The following NME7 variants were observed in gnomAD, a reference collection of about 807,000 sequenced individuals.
The protein encoded by NME7 is NME/NM23 family member 7.
In NME7, 41 loss-of-function variants were observed where a neutral mutation model predicts 49.1. That is an observed-to-expected ratio of 0.83 (90% CI 0.65 to 1.08). NME7 has a LOEUF of 1.08. Among genes scored for constraint, NME7 ranks in the 50% least tolerant of loss-of-function variants. The pLI, the probability that NME7 is intolerant of heterozygous loss-of-function variation, is 0.00. For missense variants in NME7, 423 were observed against 463.4 expected (o/e 0.91, Z 0.80); for synonymous variants, 139 against 150.6 (o/e 0.92, Z 0.56).
intron 10 of NME7, among the ~76,000 whole-genome samples, chr1:169,226,328 C>G (rs1647338668): frequency 6.6e-6 from 1 of 152,078 alleles, no homozygotes; most frequent in Non-Finnish European, 1.5e-5. Flanking sequence ...TTGGTTTGAT[C>G]ATTAATATAA....
At chr1:169,212,619 T>A (rs1660859130) in intron 10 of NME7, among the ~76,000 whole-genome samples, 3 of 150,318 alleles carry the variant, frequency 2.0e-5, no homozygotes, top group African/African-American at 7.3e-5. Context: ...TTTTTTTTTT[T>A]AAGTCAAGGT....
intron 2 of NME7, among the ~76,000 whole-genome samples, chr1:169,324,118 G>C (rs1651961780): frequency 1.3e-5 from 2 of 151,808 alleles, no homozygotes; most frequent in South Asian, 2.1e-4. Flanking sequence ...GCCTCCCAAA[G>C]TGCTGGGATT....
chr1:169,315,273 C>CTT (rs201804740), intron 3 of NME7, among the ~76,000 whole-genome samples: 7 of 135,876 alleles, frequency 5.2e-5, no homozygotes, highest in Admixed American at 3.7e-4. Context: ...TTTTTTTTTT[C>CTT]TTTTTTTTTG....
chr1:169,323,402 C>G (rs1302796682), intron 2 of NME7, 119 bp from the exon 3 acceptor site: 2 of 774,410 alleles, frequency 2.6e-6, no homozygotes, highest in Non-Finnish European at 1.8e-6. Context: ...AGGTTATATT[C>G]TGTTTCTTTT....
chr1:169,177,770 C>G (rs1659798089), intron 10 of NME7, among the ~76,000 whole-genome samples: 1 of 152,146 alleles, frequency 6.6e-6, no homozygotes, highest in South Asian at 2.1e-4. Flanking sequence ...TTCAAAGGCA[C>G]CAAGCTCTTT....
At chr1:169,160,310 G>A (rs1659206825) in intron 11 of NME7, among the ~76,000 whole-genome samples, 1 of 151,938 alleles carries the variant, frequency 6.6e-6, no homozygotes, top group South Asian at 2.1e-4. Context: ...CCTCACCCCT[G>A]GGCCAAACTG....
At chr1:169,299,454 T>A (rs3766088) in intron 5 of NME7, among the ~76,000 whole-genome samples, 7,246 of 152,276 alleles carry the variant, frequency 0.048, 225 homozygotes, top group East Asian at 0.12. Context: ...TACTTTTATA[T>A]GTGTACAGGA....
intron 10 of NME7, among the ~76,000 whole-genome samples, chr1:169,197,784 C>A (rs1192643603): frequency 6.6e-6 from 1 of 151,988 alleles, no homozygotes; most frequent in African/African-American, 2.4e-5. Flanking sequence ...GGAGTAAAAC[C>A]TTTATGATGC....
At chr1:169,285,371 T>C (rs959596259) in intron 7 of NME7, 11 of 152,074 alleles carry the variant, frequency 7.2e-5, no homozygotes, top group Non-Finnish European at 1.5e-5. Context: ...ACACAATCTC[T>C]CCAGCTAAGA....
chr1:169,157,116 G>A (rs1196130054), intron 11 of NME7, among the ~76,000 whole-genome samples: 1 of 152,174 alleles, frequency 6.6e-6, no homozygotes, highest in African/African-American at 2.4e-5. Context: ...CAACTGGCAG[G>A]TGGAGGGAAT....
intron 11 of NME7, among the ~76,000 whole-genome samples, chr1:169,152,721 A>G (rs1352332523): frequency 6.6e-6 from 1 of 152,182 alleles, no homozygotes; most frequent in Non-Finnish European, 1.5e-5. Flanking sequence ...CCTATTTTAG[A>G]CTACCAGGTC....
chr1:169,163,985 C>T (rs1659326433), intron 11 of NME7, among the ~76,000 whole-genome samples: 1 of 151,864 alleles, frequency 6.6e-6, no homozygotes, highest in Admixed American at 6.6e-5. Flanking sequence ...TGGCATGCAC[C>T]TGTAGTCCCA....
intron 10 of NME7, among the ~76,000 whole-genome samples, chr1:169,206,860 C>T (rs1396919279): frequency 7.6e-6 from 1 of 131,704 alleles, no homozygotes; most frequent in East Asian, 4.2e-4. Context: ...GCTAAGTTAA[C>T]TACTATATTA....
intron 2 of NME7, among the ~76,000 whole-genome samples, chr1:169,323,581 G>C (rs1651936520): frequency 6.6e-6 from 1 of 151,188 alleles, no homozygotes; most frequent in Non-Finnish European, 1.5e-5. Context: ...AAATGCTAAA[G>C]AAAGAGTCAT....
At chr1:169,225,093 G>C (rs1483498025) in intron 10 of NME7, among the ~76,000 whole-genome samples, 1 of 152,132 alleles carries the variant, frequency 6.6e-6, no homozygotes, top group Non-Finnish European at 1.5e-5. Context: ...AGAATAAATA[G>C]TGTGATATAA....
At chr1:169,197,143 A>C (rs1424931080) in intron 10 of NME7, among the ~76,000 whole-genome samples, 2 of 152,142 alleles carry the variant, frequency 1.3e-5, no homozygotes, top group Non-Finnish European at 2.9e-5. Context: ...CCTATATTTC[A>C]CCATATTAGC....
chr1:169,199,492 A>T lies in NME7; in HGVS notation c.991-29938T>A, dbSNP rs565604017. ...TATTATTATTATTATTATTATTATT[A>T]TTTTTAAATTGAGATGGAGCCTCAC... On this transcript the variant is annotated intron_variant, in intron 10 of 11. Coordinates refer to ENST00000367811, the MANE Select transcript of NME7 (RefSeq NM_013330.5). Among the ~76,000 whole-genome samples the T allele has an allele frequency of 3.6e-4, 44 of 123,182 alleles. No homozygotes were observed. In the South Asian group the frequency reaches 9.9e-3, roughly 28 times the overall value. 80.8% of individuals were successfully genotyped at this position (123,182 alleles called of 152,430 possible).
intron 7 of NME7, among the ~76,000 whole-genome samples, chr1:169,258,678 G>A (rs1649064016): frequency 7.6e-6 from 1 of 131,048 alleles, no homozygotes; most frequent in African/African-American, 2.6e-5. Flanking sequence ...CCACAACACG[G>A]ATCACAAGGT....
intron 7 of NME7, among the ~76,000 whole-genome samples, chr1:169,240,300 G>A (rs1235685374): frequency 2.6e-5 from 4 of 151,806 alleles, no homozygotes; most frequent in Non-Finnish European, 5.9e-5. Context: ...TTTAATTAGT[G>A]AGAAGAGAGA....
Sources: gnomAD v4.1 joint callset for allele counts (sites outside exome capture counted in the v4.1 genomes callset) on GRCh38, gnomAD v4.1.1 for gene constraint, MANE v1.5 for transcripts, NCBI Gene and HGNC (gene_info 2026-07-23, HGNC 2026-07-21) for gene names.